Variants in MAGI1 observed in about 807,000 individuals in gnomAD.
MAGI1 encodes membrane-associated guanylate kinase, WW and PDZ domain-containing protein 1.
Under a neutral mutation model 139.9 loss-of-function variants are expected in MAGI1, and 58 were observed. The ratio of observed to expected loss-of-function variants is 0.41; its 90% confidence interval spans 0.34 to 0.52. The LOEUF is 0.52. MAGI1 is among the 20% of genes least tolerant of loss of function. The pLI is 0.12. For synonymous variants in MAGI1, 812 were observed against 737.9 expected (o/e 1.10, Z -1.63); for missense variants, 1,874 against 1,901.6 (o/e 0.99, Z 0.27).
chr3:65,402,868 G>A (rs1481671933), intron 12 of MAGI1, among the ~76,000 whole-genome samples: 1 of 152,114 alleles, frequency 6.6e-6, no homozygotes, highest in East Asian at 1.9e-4. Flanking sequence ...AGGTCACCAT[G>A]GAAGCCTGGC....
intron 1 of MAGI1, among the ~76,000 whole-genome samples, chr3:66,003,502 G>T (rs1034108326): frequency 1.3e-5 from 2 of 152,104 alleles, no homozygotes; most frequent in African/African-American, 4.8e-5. Flanking sequence ...CTGTTGCCCA[G>T]ACTGGAATGC....
chr3:65,748,377 T>C (rs2035870827), intron 1 of MAGI1, among the ~76,000 whole-genome samples: 1 of 152,174 alleles, frequency 6.6e-6, no homozygotes, highest in South Asian at 2.1e-4. Context: ...TTCAAGTCTT[T>C]TGGGGATGAT....
chr3:65,659,133 T>C (rs1016588579), intron 1 of MAGI1, among the ~76,000 whole-genome samples: 2 of 152,108 alleles, frequency 1.3e-5, no homozygotes, highest in Admixed American at 1.3e-4. Flanking sequence ...ACAGAGCCAG[T>C]CTGACTCTCA....
intron 1 of MAGI1, among the ~76,000 whole-genome samples, chr3:65,847,772 C>T (rs1278886081): frequency 6.6e-6 from 1 of 152,058 alleles, no homozygotes; most frequent in African/African-American, 2.4e-5. Flanking sequence ...GATGAAATTC[C>T]ACTGGGTACT....
At chr3:65,784,992 A>G (rs774570587) in intron 1 of MAGI1, among the ~76,000 whole-genome samples, 2 of 150,086 alleles carry the variant, frequency 1.3e-5, no homozygotes, top group African/African-American at 2.4e-5. Flanking sequence ...TAATGGATAT[A>G]GGATTCCTTT....
chr3:65,911,050 G>T (rs1305433716), intron 1 of MAGI1, among the ~76,000 whole-genome samples: 1 of 151,034 alleles, frequency 6.6e-6, no homozygotes, highest in East Asian at 2.0e-4. Context: ...TAGAGACGGG[G>T]TTTCACCATA....
intron 12 of MAGI1, among the ~76,000 whole-genome samples, chr3:65,425,133 CAAAAAA>C (rs72130952): frequency 2.8e-4 from 21 of 74,832 alleles, no homozygotes; most frequent in African/African-American, 1.1e-3. Flanking sequence ...AAAAAAAAAA[CAAAAAA>C]AAACACACAT....
intron 2 of MAGI1, among the ~76,000 whole-genome samples, chr3:65,537,746 T>C (rs1435503818): frequency 1.3e-5 from 2 of 152,198 alleles, no homozygotes; most frequent in African/African-American, 2.4e-5. Context: ...TGTTATTTAA[T>C]AGTCAAATTA....
intron 2 of MAGI1, among the ~76,000 whole-genome samples, chr3:65,574,893 T>C (rs2081111697): frequency 6.6e-6 from 1 of 152,020 alleles, no homozygotes; most frequent in South Asian, 2.1e-4. Context: ...CTAAAACAAT[T>C]GGACTTTCAC....
At position 66,034,917 on chromosome 3, in the gene MAGI1, G is replaced by T. The variant is rs144922869; in HGVS notation, c.313+3079C>A. On this transcript the variant is annotated intron_variant, in intron 1 of 22. Transcript: ENST00000402939. ...GTGCAGGGGGAGGGGGGAATTAACTGGACAGGAACATGAGAAAAATTTCTG... is the reference window on the plus strand; with the variant it reads ...GTGCAGGGGGAGGGGGGAATTAACTTGACAGGAACATGAGAAAAATTTCTG... Among the ~76,000 whole-genome samples the T allele has an allele frequency of 5.7e-3, 874 of 152,138 alleles. 9 individuals are homozygous for T. Among genetic ancestry groups the T allele is most frequent in the African/African-American group, 0.019 (792 of 41,498 alleles).
intron 1 of MAGI1, among the ~76,000 whole-genome samples, chr3:65,753,187 C>G (rs1359869204): frequency 1.3e-5 from 2 of 152,110 alleles, no homozygotes; most frequent in African/African-American, 4.8e-5. Context: ...TGAACTGAAA[C>G]TGAGTGCCCG....
intron 1 of MAGI1, among the ~76,000 whole-genome samples, chr3:65,675,856 C>G (rs779050857): frequency 1.3e-5 from 2 of 152,162 alleles, no homozygotes; most frequent in Non-Finnish European, 2.9e-5. Flanking sequence ...TGGAAAAAAA[C>G]AATTGGGCTG....
At chr3:65,543,629 T>A (rs2079353757) in intron 2 of MAGI1, among the ~76,000 whole-genome samples, 1 of 152,136 alleles carries the variant, frequency 6.6e-6, no homozygotes, top group Non-Finnish European at 1.5e-5. Context: ...GAAACCATCA[T>A]TCTCAGCAAA....
chr3:65,497,385 A>G (rs1418060295), intron 2 of MAGI1, among the ~76,000 whole-genome samples: 1 of 152,188 alleles, frequency 6.6e-6, no homozygotes, highest in Non-Finnish European at 1.5e-5. Flanking sequence ...GATGTCTTGG[A>G]GCCAAGTGAA....
intron 5 of MAGI1, among the ~76,000 whole-genome samples, chr3:65,462,206 G>A (rs138473451): frequency 3.9e-5 from 6 of 152,022 alleles, no homozygotes; most frequent in East Asian, 1.9e-4. Flanking sequence ...GCCTATGTCC[G>A]GAAAGGTATT....
intron 1 of MAGI1, among the ~76,000 whole-genome samples, chr3:65,679,907 C>T (rs763058824): frequency 1.5e-4 from 23 of 152,292 alleles, no homozygotes; most frequent in African/African-American, 3.4e-4. Context: ...ATGAAGCTGG[C>T]TTGGGTGGTA....
intron 1 of MAGI1, among the ~76,000 whole-genome samples, chr3:66,013,377 T>C (rs1178260933): frequency 7.6e-6 from 1 of 131,686 alleles, no homozygotes; most frequent in Admixed American, 8.3e-5. Flanking sequence ...TACTCCAGCC[T>C]GGGCAATACA....
chr3:65,902,759 A>C (rs2061285322), intron 1 of MAGI1: 1 of 152,828 alleles, frequency 6.5e-6, no homozygotes, highest in South Asian at 2.1e-4. Context: ...AGGGCAGGAC[A>C]CACGCCATTA....
intron 1 of MAGI1, among the ~76,000 whole-genome samples, chr3:65,991,767 C>A (rs561667327): frequency 2.0e-5 from 3 of 152,214 alleles, no homozygotes; most frequent in Non-Finnish European, 4.4e-5. Flanking sequence ...GTAATCCCAG[C>A]ACTTTGAGAG....
Sources: gnomAD v4.1 joint callset for allele counts (sites outside exome capture counted in the v4.1 genomes callset) on GRCh38, gnomAD v4.1.1 for gene constraint, MANE v1.5 for transcripts, NCBI Gene and HGNC (gene_info 2026-07-23, HGNC 2026-07-21) for gene names.